KAZN: variants seen among roughly 807,000 people sequenced by gnomAD.
KAZN encodes kazrin, periplakin interacting protein.
Under a neutral mutation model 87.4 loss-of-function variants are expected in KAZN, and 40 were observed. That is an observed-to-expected ratio of 0.46 (90% CI 0.36 to 0.60). KAZN has a LOEUF of 0.60. Among genes scored for constraint, KAZN ranks in the 20% least tolerant of loss-of-function variants. The pLI is 0.00. For synonymous variants in KAZN, 466 were observed against 458.3 expected, an observed-to-expected ratio of 1.02 and a Z score of -0.22; for missense variants, 898 against 1,073.9, an observed-to-expected ratio of 0.84 and a Z score of 2.29.
At chr1:14,210,477 C>A (rs1646831962) in intron 2 of KAZN, among the ~76,000 whole-genome samples, 1 of 152,136 alleles carries the variant, frequency 6.6e-6, no homozygotes, top group South Asian at 2.1e-4. Context: ...ATGCCTGCTA[C>A]AGTGGAGGTG....
intron 1 of KAZN, among the ~76,000 whole-genome samples, chr1:14,826,048 G>A (rs1646876664): frequency 6.6e-6 from 1 of 152,130 alleles, no homozygotes; most frequent in Non-Finnish European, 1.5e-5. Context: ...GCAAAGAAGG[G>A]GCTGGACCTG....
intron 1 of KAZN, among the ~76,000 whole-genome samples, chr1:14,100,455 C>A (rs887862815): frequency 6.6e-6 from 1 of 152,220 alleles, no homozygotes; most frequent in Non-Finnish European, 1.5e-5. Context: ...GAAGCAAAAT[C>A]AGCAAAGGCA....
At chr1:13,963,910 A>G (rs1484400178) in intron 1 of KAZN, among the ~76,000 whole-genome samples, 2 of 152,204 alleles carry the variant, frequency 1.3e-5, no homozygotes, top group Admixed American at 6.5e-5. Context: ...CAGCTGTGCT[A>G]TCTGGTTACT....
intron 8 of KAZN, among the ~76,000 whole-genome samples, chr1:15,090,854 AC>A (rs1258013870): frequency 6.6e-6 from 1 of 152,160 alleles, no homozygotes; most frequent in African/African-American, 2.4e-5. Flanking sequence ...AGAGGAGGAA[AC>A]TGAGGCACAA....
rs189934249 is a variant in KAZN at position 14,198,906 on chromosome 1, A to G, written c.249+18314A>G. Among the ~76,000 whole-genome samples, 258 of 152,248 alleles carry G rather than the reference A, an allele frequency of 1.7e-3. 2 individuals are homozygous for G. In the East Asian group the frequency reaches 0.028, roughly 17 times the overall value. Reference sequence around the variant, plus strand: ...CACCCAGCCAGTAGGTGGCAAAGCTAAGGTTTGAACCTGGGTAATCTGGCT... The same window carrying G: ...CACCCAGCCAGTAGGTGGCAAAGCTGAGGTTTGAACCTGGGTAATCTGGCT... On this transcript the variant is annotated intron_variant, in intron 2 of 16. Coordinates refer to the KAZN transcript ENST00000636203.
intron 2 of KAZN, among the ~76,000 whole-genome samples, chr1:14,254,281 A>G (rs72865774): frequency 0.024 from 3,662 of 152,278 alleles, 156 homozygotes; most frequent in African/African-American, 0.082. Context: ...TTGCTAATAC[A>G]ATGCACTTGG....
intron 4 of KAZN, among the ~76,000 whole-genome samples, chr1:15,048,668 C>CTGGTCCTGGGACGT (rs1557754418): frequency 1.5e-5 from 1 of 68,468 alleles, no homozygotes; most frequent in Admixed American, 1.4e-4. Flanking sequence ...TCCTGGGTCG[C>CTGGTCCTGGGACGT]TGGTCCTGGG....
At chr1:14,537,267 T>G (rs1672560191) in intron 2 of KAZN, among the ~76,000 whole-genome samples, 1 of 152,204 alleles carries the variant, frequency 6.6e-6, no homozygotes, top group African/African-American at 2.4e-5. Context: ...CCATGCAGGC[T>G]ACCACTATCC....
intron 1 of KAZN, among the ~76,000 whole-genome samples, chr1:14,943,469 C>T (rs545978264): frequency 4.6e-5 from 7 of 152,292 alleles, no homozygotes; most frequent in Middle Eastern, 3.4e-3. Flanking sequence ...ACAATGCTTC[C>T]TGGCAAGGGC....
intron 1 of KAZN, among the ~76,000 whole-genome samples, chr1:14,754,008 G>A (rs1644485623): frequency 6.6e-6 from 1 of 152,154 alleles, no homozygotes; most frequent in African/African-American, 2.4e-5. Flanking sequence ...CTTCCTCTAT[G>A]GGACACTTGG....
rs541667330 is a variant in KAZN at position 14,827,366 on chromosome 1, T to C, written c.227-133318T>C. Among the ~76,000 whole-genome samples, 9 of 152,320 alleles carry C rather than the reference T, an allele frequency of 5.9e-5. No individual in the cohort carries two copies. The South Asian group carries it at 1.7e-3, about 28-fold the overall frequency. Reference sequence around the variant, plus strand: ...TTTGGTGCACCCATCACCCGAGCAGTGTACACTGAACCCAACGTGTAGCCT... The same window carrying C: ...TTTGGTGCACCCATCACCCGAGCAGCGTACACTGAACCCAACGTGTAGCCT... On this transcript the variant is annotated intron_variant, in intron 1 of 14. Coordinates refer to ENST00000376030, the MANE Select transcript of KAZN (RefSeq NM_201628.3).
intron 2 of KAZN, among the ~76,000 whole-genome samples, chr1:14,418,266 A>G (rs1393738173): frequency 6.6e-6 from 1 of 152,132 alleles, no homozygotes; most frequent in African/African-American, 2.4e-5. Context: ...GTTCCTAACT[A>G]TATGACCCTG....
At chr1:14,476,476 T>A (rs1443461804) in intron 2 of KAZN, among the ~76,000 whole-genome samples, 1 of 152,176 alleles carries the variant, frequency 6.6e-6, no homozygotes, top group East Asian at 1.9e-4. Context: ...CCCCACCCAG[T>A]GCTCTGCAGA....
intron 2 of KAZN, among the ~76,000 whole-genome samples, chr1:14,386,809 A>T (rs373591151): frequency 6.6e-6 from 1 of 151,942 alleles, no homozygotes; most frequent in Non-Finnish European, 1.5e-5. Flanking sequence ...TGCTCTTCTC[A>T]AGGAGTATCT....
In KAZN at chr1:14,564,649, CA is replaced by C. The variant is rs111282866; in HGVS notation, c.250-34320del. On this transcript the variant is annotated intron_variant, in intron 2 of 16. Transcript: ENST00000636203. ...TGAAACCCTGTCTCTACTAAAAATACAAAAAAAAAAAAAATTAGCTTGGAGT... is the reference window on the plus strand; with the variant it reads ...TGAAACCCTGTCTCTACTAAAAATACAAAAAAAAAAAAATTAGCTTGGAGT... Among the ~76,000 whole-genome samples, 1,279 of 142,604 alleles carry C rather than the reference CA, an allele frequency of 9.0e-3. 17 individuals carry two copies. The highest frequency in any genetic ancestry group is 0.03 in the African/African-American group (1,157 of 38,506). The allele number at this position is 142,604 out of a possible 152,430, so 93.6% of individuals were successfully genotyped here. A position where few individuals can be genotyped will look rare whatever the true frequency, so the allele number is the denominator to read the frequency against.
Position 14,727,450 on chromosome 1 carries a change from C to CTTTTTTTTTTTTTT in KAZN, c.226+128260_226+128273dup, listed in dbSNP as rs57203868. Among the ~76,000 whole-genome samples the CTTTTTTTTTTTTTT allele has an allele frequency of 2.8e-4, 21 of 73,916 alleles. 3 individuals carry two copies. Among genetic ancestry groups the CTTTTTTTTTTTTTT allele is most frequent in the South Asian group, 1.0e-3 (2 of 1,940 alleles). 48.5% of individuals were successfully genotyped at this position (73,916 alleles called of 152,430 possible). On this transcript the variant is annotated intron_variant, in intron 1 of 14. Coordinates refer to ENST00000376030, the MANE Select transcript of KAZN (RefSeq NM_201628.3). The stretch of plus-strand genomic sequence containing the variant: ...GTCCATCACATTTATTGTGCACTTT[C>CTTTTTTTTTTTTTT]TTTTTTTTTTTTTTTTTTTTTTTTT...
chr1:14,781,305 G>A (rs1645342355), intron 1 of KAZN, among the ~76,000 whole-genome samples: 1 of 152,214 alleles, frequency 6.6e-6, no homozygotes, highest in Admixed American at 6.5e-5. Context: ...CTGGGCAACA[G>A]AGAAAGACTC....
At chr1:14,538,804 C>T (rs1185243839) in intron 2 of KAZN, among the ~76,000 whole-genome samples, 1 of 152,168 alleles carries the variant, frequency 6.6e-6, no homozygotes, top group Non-Finnish European at 1.5e-5. Context: ...ATTAGTCCTC[C>T]TTCTTACTTA....
At position 14,988,452 on chromosome 1, in the gene KAZN, C is replaced by T. The variant is rs747178945; in HGVS notation, c.418+27577C>T. On this transcript the variant is annotated intron_variant, in intron 2 of 14. Transcript: ENST00000376030. ...ATGAGGGCCGCCTGGCAGCTCCACC[C>T]GGCCCAGCCCTGCTGGAGGGAATCG... Among the ~76,000 whole-genome samples the T allele has an allele frequency of 3.3e-5, 5 of 152,344 alleles. No individual in the cohort carries two copies. In the East Asian group the frequency reaches 7.7e-4, roughly 24 times the overall value.
Sources: allele counts gnomAD v4.1 joint callset (sites outside exome capture counted in the v4.1 genomes callset), GRCh38; gene constraint gnomAD v4.1.1; transcripts MANE v1.5; gene names NCBI Gene and HGNC (gene_info 2026-07-23, HGNC 2026-07-21).